APBB2: variants seen among roughly 807,000 people sequenced by gnomAD.
APBB2 encodes Fe65-like 1.
Under a neutral mutation model 82.5 loss-of-function variants are expected in APBB2, and 38 were observed. The ratio of observed to expected loss-of-function variants is 0.46; its 90% CI spans 0.36 to 0.60. The LOEUF (loss-of-function observed/expected upper bound fraction) is 0.60, where lower values mean the gene tolerates loss of function less well. Among genes scored for constraint, APBB2 ranks in the 20% least tolerant of loss-of-function variants. APBB2 has a pLI of 0.00. For missense variants in APBB2, 772 were observed against 972.3 expected, an observed-to-expected ratio of 0.79 and a Z score of 2.74; for synonymous variants, 341 against 368.2, an observed-to-expected ratio of 0.93 and a Z score of 0.85.
chr4:40,826,946 T>C lies in APBB2; in HGVS notation c.1732+186A>G. On this transcript the variant is annotated intron_variant, in intron 14 of 17. Transcript: ENST00000508593. This position sits in a 1 kb window ranked among gnomAD's most constrained non-coding sequence, Gnocchi z 4.5. Reference sequence around the variant, plus strand: ...ACAAAACTCATCCTGGCTTTATGCCTAACCCTAGTGATGCAAAATCAACTC... The same window carrying C: ...ACAAAACTCATCCTGGCTTTATGCCCAACCCTAGTGATGCAAAATCAACTC... 1.8e-6 allele frequency: 1 copy of C among 563,784 alleles called. No homozygotes were observed. Among genetic ancestry groups the C allele is most frequent in the Non-Finnish European group, 3.2e-6 (1 of 315,860 alleles). 34.9% of individuals were successfully genotyped at this position (563,784 alleles called of 1,614,324 possible).
intron 10 of APBB2, among the ~76,000 whole-genome samples, chr4:40,921,759 G>C (rs1048621303): frequency 1.4e-4 from 21 of 152,250 alleles, no homozygotes; most frequent in African/African-American, 2.4e-5. Context: ...CTCAGGAGAA[G>C]CACTTTTTGA....
intron 3 of APBB2, among the ~76,000 whole-genome samples, chr4:41,082,567 CTT>C (rs74266115): frequency 1.8e-5 from 2 of 110,478 alleles, no homozygotes; most frequent in Middle Eastern, 3.9e-3. Flanking sequence ...AGTTATGTTT[CTT>C]TTTTTTTTTT....
intron 2 of APBB2, among the ~76,000 whole-genome samples, chr4:41,112,056 G>A (rs996105999): frequency 4.6e-5 from 7 of 152,196 alleles, no homozygotes; most frequent in African/African-American, 1.7e-4. Flanking sequence ...GAGGTGGGAT[G>A]GGCTGAGTTC....
intron 12 of APBB2, among the ~76,000 whole-genome samples, chr4:40,835,969 G>T (rs891004009): frequency 2.0e-5 from 3 of 152,170 alleles, no homozygotes; most frequent in Non-Finnish European, 2.9e-5. Context: ...TCACTGGAGT[G>T]GGGGAGGGAA....
chr4:40,908,506 G>A (rs1777676658), intron 10 of APBB2, among the ~76,000 whole-genome samples: 1 of 151,986 alleles, frequency 6.6e-6, no homozygotes, highest in Non-Finnish European at 1.5e-5. Flanking sequence ...GCATCCCCAG[G>A]CCACACCTAT....
intron 1 of APBB2, among the ~76,000 whole-genome samples, chr4:41,211,120 T>C (rs2154082647): frequency 6.6e-6 from 1 of 152,144 alleles, no homozygotes; most frequent in African/African-American, 2.4e-5. Context: ...CCAGGCGTGG[T>C]GGCGGGCACC....
At chr4:41,106,483 G>C (rs979188360) in intron 2 of APBB2, among the ~76,000 whole-genome samples, 2 of 151,554 alleles carry the variant, frequency 1.3e-5, no homozygotes, top group African/African-American at 4.8e-5. Flanking sequence ...TTCTTTGTTT[G>C]TTTGTTTGTT....
At chr4:41,099,856 T>C (rs916487520) in intron 3 of APBB2, among the ~76,000 whole-genome samples, 19 of 152,322 alleles carry the variant, frequency 1.2e-4, no homozygotes, top group African/African-American at 4.1e-4. Flanking sequence ...AGAGGATATT[T>C]GTGTATGTTT....
At chr4:41,007,480 A>G (rs1479321780) in intron 6 of APBB2, among the ~76,000 whole-genome samples, 1 of 152,184 alleles carries the variant, frequency 6.6e-6, no homozygotes, top group Non-Finnish European at 1.5e-5. Context: ...CGTGAGGTCA[A>G]CTGAAACCAA....
chr4:41,043,019 CTA>C (rs1456450869), intron 4 of APBB2, among the ~76,000 whole-genome samples: 2 of 152,116 alleles, frequency 1.3e-5, no homozygotes, highest in Non-Finnish European at 2.9e-5. Context: ...CGGGGGGAAT[CTA>C]TTTTTTATTT....
intron 4 of APBB2, among the ~76,000 whole-genome samples, chr4:41,044,690 T>C (rs1187783234): frequency 6.6e-6 from 1 of 152,238 alleles, no homozygotes; most frequent in Non-Finnish European, 1.5e-5. Flanking sequence ...AGAGTTTCCG[T>C]CAAAAAGTCT....
intron 3 of APBB2, among the ~76,000 whole-genome samples, chr4:41,066,885 G>A (rs913468242): frequency 1.3e-5 from 2 of 152,182 alleles, no homozygotes; most frequent in East Asian, 3.9e-4. Context: ...ATTTGAAGGG[G>A]GCAGGGTAGA....
intron 1 of APBB2, among the ~76,000 whole-genome samples, chr4:41,172,294 C>T (rs1768511675): frequency 6.6e-6 from 1 of 151,328 alleles, no homozygotes; most frequent in Non-Finnish European, 1.5e-5. Context: ...GCAAACCGTA[C>T]CCTCATCTAG....
At chr4:41,195,965 C>T in intron 1 of APBB2, among the ~76,000 whole-genome samples, 2 of 152,180 alleles carry the variant, frequency 1.3e-5, no homozygotes, top group African/African-American at 4.8e-5. Flanking sequence ...TCGAGACCAT[C>T]CTGGCTAACA....
chr4:41,118,145 T>A (rs1580185415), intron 2 of APBB2: 1 of 151,898 alleles, frequency 6.6e-6, no homozygotes, highest in South Asian at 2.1e-4. Context: ...GCCTGGGAGA[T>A]CAAGGCTGCA....
chr4:40,918,956 T>C (rs1180497878), intron 10 of APBB2, among the ~76,000 whole-genome samples: 6 of 152,066 alleles, frequency 3.9e-5, no homozygotes, highest in Non-Finnish European at 7.4e-5. Context: ...GGTGAGTTTC[T>C]TTTTCTTTTT....
chr4:41,162,735 G>A (rs994347418), intron 1 of APBB2, among the ~76,000 whole-genome samples: 12 of 152,010 alleles, frequency 7.9e-5, no homozygotes, highest in Non-Finnish European at 1.2e-4. Context: ...ATACACCTGC[G>A]GTCCCAGCAC....
At chr4:40,947,990 T>C (rs1788916803) in intron 6 of APBB2, among the ~76,000 whole-genome samples, 1 of 152,168 alleles carries the variant, frequency 6.6e-6, no homozygotes, top group Admixed American at 6.5e-5. Flanking sequence ...TCTAAAGAAA[T>C]CAGTTCTATG....
chr4:40,951,246 T>C (rs1790054169), intron 6 of APBB2, among the ~76,000 whole-genome samples: 1 of 11,556 alleles, frequency 8.7e-5, no homozygotes, highest in African/African-American at 1.0e-4. Flanking sequence ...TGTTAAGCTG[T>C]ATGTTTACAG....
Sources: allele counts gnomAD v4.1 joint callset (sites outside exome capture counted in the v4.1 genomes callset), GRCh38; gene constraint gnomAD v4.1.1; non-coding constraint Gnocchi (gnomAD v3.1); transcripts MANE v1.5; gene names NCBI Gene and HGNC (gene_info 2026-07-23, HGNC 2026-07-21).